Variants in ZNF148 observed in about 807,000 individuals in gnomAD.
ZNF148 encodes the protein zinc finger protein 148.
In ZNF148, 7 loss-of-function variants were observed where a neutral mutation model predicts 67.7. The observed-to-expected ratio is 0.10, with a 90% CI of 0.06 to 0.19. The LOEUF (loss-of-function observed/expected upper bound fraction) is 0.19, where lower values mean the gene tolerates loss of function less well. ZNF148 is among the 10% of genes least tolerant of loss of function. The probability of loss-of-function intolerance (pLI) is 1.00; values close to 1 mark genes in which losing one functional copy is unlikely to be tolerated. For missense variants in ZNF148, 583 were observed against 947.1 expected (o/e 0.62, Z 5.05); for synonymous variants, 333 against 330.7 (o/e 1.01, Z -0.08).
At chr3:125,344,527 C>T in intron 1 of ZNF148, 1 of 1,114,178 alleles carries the variant, frequency 9.0e-7, no homozygotes, top group Non-Finnish European at 1.4e-6. Context: ...AAATGTGAAG[C>T]CAAACTCAAA....
At chr3:125,343,473 TA>T (rs57166728) in intron 1 of ZNF148, among the ~76,000 whole-genome samples, 1 of 12,312 alleles carries the variant, frequency 8.1e-5, no homozygotes, top group African/African-American at 5.7e-4. Context: ...CAGCGCTCTG[TA>T]AAAACTCACC....
chr3:125,296,066 T>C (rs764257915), intron 4 of ZNF148, among the ~76,000 whole-genome samples: 1 of 151,502 alleles, frequency 6.6e-6, no homozygotes, highest in Non-Finnish European at 1.5e-5. Flanking sequence ...TCACGTTAGA[T>C]CCTCCTTCTA....
intron 4 of ZNF148, among the ~76,000 whole-genome samples, chr3:125,296,190 C>A (rs892379623): frequency 6.6e-6 from 1 of 151,206 alleles, no homozygotes; most frequent in African/African-American, 2.4e-5. Flanking sequence ...GGTGCAATCT[C>A]GCCTCACTGC....
chr3:125,364,055 G>A (rs996306837), intron 1 of ZNF148, among the ~76,000 whole-genome samples: 7 of 152,074 alleles, frequency 4.6e-5, no homozygotes, highest in Non-Finnish European at 1.0e-4. Flanking sequence ...TTATTTACCC[G>A]TTCAAAAATC....
Position 125,329,276 on chromosome 3 carries a change from TTATATG to T in ZNF148, c.-153+1876_-153+1881del, listed in dbSNP as rs1941167677. On this transcript the variant is annotated intron_variant, in intron 2 of 8. Coordinates refer to ENST00000360647, the MANE Select transcript of ZNF148 (RefSeq NM_021964.3). ...GTAGTATATACATATGAATGTATATTTATATGTATATGTATATATGTATATTCATAC... is the reference window on the plus strand; with the variant it reads ...GTAGTATATACATATGAATGTATATTTATATGTATATATGTATATTCATAC... Among the ~76,000 whole-genome samples, 9 of 147,380 alleles carry T rather than the reference TTATATG, an allele frequency of 6.1e-5. No individual in the cohort carries two copies. In the Admixed American group the frequency reaches 6.1e-4, roughly 10 times the overall value.
At chr3:125,265,273 T>TGCTTTTAGTAGCTAGCCTCCACTCACCC (rs1937509085) in intron 7 of ZNF148, among the ~76,000 whole-genome samples, 1 of 152,226 alleles carries the variant, frequency 6.6e-6, no homozygotes, top group African/African-American at 2.4e-5. Flanking sequence ...CATCAAGTAT[T>TGCTTTTAGTAGCTAGCCTCCACTCACCC]GCTTTTAGTA....
chr3:125,366,767 CT>C (rs1942716572), intron 1 of ZNF148, among the ~76,000 whole-genome samples: 1 of 152,166 alleles, frequency 6.6e-6, no homozygotes, highest in South Asian at 2.1e-4. Flanking sequence ...CAAGCCTTTG[CT>C]TACGCTAATC....
At chr3:125,339,626 C>T (rs35398611) in intron 1 of ZNF148, among the ~76,000 whole-genome samples, 35,031 of 151,990 alleles carry the variant, frequency 0.23, 5,267 homozygotes, top group Middle Eastern at 0.35. Context: ...TTATATAATG[C>T]TTAGAAGTAA....
intron 7 of ZNF148, among the ~76,000 whole-genome samples, chr3:125,241,744 G>A (rs925753389): frequency 2.6e-5 from 4 of 152,128 alleles, no homozygotes; most frequent in African/African-American, 9.7e-5. Flanking sequence ...TCACATATAT[G>A]CAGGTATATT....
intron 7 of ZNF148, among the ~76,000 whole-genome samples, chr3:125,269,991 A>C (rs1937647323): frequency 6.6e-6 from 1 of 152,086 alleles, no homozygotes; most frequent in African/African-American, 2.4e-5. Flanking sequence ...AGGCCTGAAA[A>C]ACTTCCTATT....
chr3:125,299,747 CA>C (rs1939489836), intron 4 of ZNF148, among the ~76,000 whole-genome samples: 1 of 152,126 alleles, frequency 6.6e-6, no homozygotes, highest in African/African-American at 2.4e-5. Context: ...ACACGACTCT[CA>C]CCAGGAAAGG....
chr3:125,326,763 GAT>G (rs910054926), intron 2 of ZNF148, among the ~76,000 whole-genome samples: 26 of 144,400 alleles, frequency 1.8e-4, no homozygotes, highest in South Asian at 1.1e-3. Context: ...TACATATAAA[GAT>G]ATATATATCT....
chr3:125,277,088 C>G (rs997523024), intron 7 of ZNF148, among the ~76,000 whole-genome samples: 1 of 152,100 alleles, frequency 6.6e-6, no homozygotes, highest in African/African-American at 2.4e-5. Context: ...AAACACTTTT[C>G]AACATGCTTA....
chr3:125,271,761 T>C (rs1020639477), intron 7 of ZNF148, among the ~76,000 whole-genome samples: 3 of 152,204 alleles, frequency 2.0e-5, no homozygotes, highest in Admixed American at 2.0e-4. Flanking sequence ...ACTAGGTCTA[T>C]GATAATCATG....
rs1433594611 is a variant in ZNF148, at chr3:125,227,591, C to T, written c.*4750G>A. ...TGAGGTTACCTGCTTTATTTGGATA[C>T]CAAGTTCCCTTCAGACAGCATTAAA... On this transcript the variant is annotated 3_prime_UTR_variant, in exon 9 of 9. Transcript: ENST00000360647. The T allele has an allele frequency of 6.6e-6, 1 of 152,530 alleles. No homozygotes were observed. Among genetic ancestry groups the T allele is most frequent in the Non-Finnish European group, 1.5e-5 (1 of 68,006 alleles). The allele number at this position is 152,530 out of a possible 1,614,324, so 9.4% of individuals were successfully genotyped here. A position where few individuals can be genotyped will look rare whatever the true frequency, so the allele number is the denominator to read the frequency against.
intron 4 of ZNF148, among the ~76,000 whole-genome samples, chr3:125,298,618 A>ATTT (rs11312460): frequency 4.4e-4 from 45 of 102,626 alleles, no homozygotes; most frequent in Non-Finnish European, 5.1e-4. Context: ...TTTATATTAA[A>ATTT]TTTTTTTTTT....
chr3:125,260,362 T>C lies in ZNF148; in HGVS notation c.667+17364A>G, dbSNP rs375134163. ...AAGTGAAGTGCAATAAAATGAGGTA[T>C]GCCTGTCCATCTATCATATGACCCA... is the stretch of plus-strand genomic sequence containing the variant. On this transcript the variant is annotated intron_variant, in intron 7 of 8. Transcript: ENST00000360647. Among the ~76,000 whole-genome samples the C allele has an allele frequency of 7.9e-5, 12 of 152,018 alleles. 1 individual carries two copies. Among genetic ancestry groups the C allele is most frequent in the Admixed American group, 3.9e-4 (6 of 15,266 alleles).
chr3:125,287,314 G>A (rs1168445761), intron 5 of ZNF148, among the ~76,000 whole-genome samples: 2 of 152,136 alleles, frequency 1.3e-5, no homozygotes, highest in Non-Finnish European at 2.9e-5. Flanking sequence ...TACCAAAAAT[G>A]CTGTATACAT....
chr3:125,373,866 A>T (rs945646327), intron 1 of ZNF148, among the ~76,000 whole-genome samples: 5 of 152,204 alleles, frequency 3.3e-5, no homozygotes, highest in Non-Finnish European at 7.3e-5. Context: ...AGAGCCAGCA[A>T]GCATGTCTTC....
Sources: gnomAD v4.1 joint callset for allele counts (sites outside exome capture counted in the v4.1 genomes callset) on GRCh38, gnomAD v4.1.1 for gene constraint, MANE v1.5 for transcripts, NCBI Gene and HGNC (gene_info 2026-07-23, HGNC 2026-07-21) for gene names.